MGAT4C: variants seen among roughly 807,000 people sequenced by gnomAD.
MGAT4C encodes the protein MGAT4 family member C, also known as alpha-1,3-mannosyl-glycoprotein 4-beta-N-acetylglucosaminyltransferase C.
Under a neutral mutation model 40.1 loss-of-function variants are expected in MGAT4C, and 19 were observed. The observed-to-expected ratio is 0.47, with a 90% CI of 0.33 to 0.70. The LOEUF (loss-of-function observed/expected upper bound fraction) is 0.70, where lower values mean the gene tolerates loss of function less well. Ranked by LOEUF, MGAT4C falls within the 30% of genes least tolerant of loss-of-function variation. The pLI is 0.02. For synonymous variants in MGAT4C, 181 were observed against 187.1 expected, an observed-to-expected ratio of 0.97 and a Z score of 0.27; for missense variants, 491 against 563.2, an observed-to-expected ratio of 0.87 and a Z score of 1.30.
chr12:86,378,293 T>G (rs749860308), intron 3 of MGAT4C, among the ~76,000 whole-genome samples: 3 of 152,146 alleles, frequency 2.0e-5, no homozygotes, highest in Non-Finnish European at 4.4e-5. Context: ...GGAGTATTAA[T>G]TATTACTGTT....
At chr12:86,698,628 A>C (rs2136610061) in intron 2 of MGAT4C, among the ~76,000 whole-genome samples, 1 of 152,242 alleles carries the variant, frequency 6.6e-6, no homozygotes, top group South Asian at 2.1e-4. Context: ...AAACTGTCAA[A>C]AAATTGCTGG....
At chr12:86,508,759 T>C (rs376179420) in intron 2 of MGAT4C, among the ~76,000 whole-genome samples, 13,193 of 147,834 alleles carry the variant, frequency 0.089, 767 homozygotes, top group Middle Eastern at 0.23. Flanking sequence ...TTCTAACTGG[T>C]GTGAGATGGT....
At chr12:86,642,064 A>T (rs1425486597) in intron 2 of MGAT4C, among the ~76,000 whole-genome samples, 1 of 151,848 alleles carries the variant, frequency 6.6e-6, no homozygotes, top group African/African-American at 2.4e-5. Context: ...CGAAATAGGA[A>T]TGACAAATAG....
chr12:86,491,843 A>T (rs1958143338), intron 2 of MGAT4C, among the ~76,000 whole-genome samples: 1 of 152,096 alleles, frequency 6.6e-6, no homozygotes, highest in Non-Finnish European at 1.5e-5. Flanking sequence ...TCAGGAAAAG[A>T]GGAAGTCAAA....
rs185784819 is a variant in MGAT4C, at chr12:86,024,548, C to T, written c.-7+25126G>A. Among the ~76,000 whole-genome samples, 1,178 of 151,854 alleles carry T rather than the reference C, an allele frequency of 7.8e-3. 11 individuals are homozygous for T. The highest frequency in any genetic ancestry group is 0.026 in the African/African-American group (1,097 of 41,510). On this transcript the variant is annotated intron_variant, in intron 2 of 4. Coordinates refer to ENST00000611864, the MANE Select transcript of MGAT4C (RefSeq NM_001351288.2). ...TATAATTTTCATTTATATAAAGACT[C>T]TTAAAGTTGCACTCTAACATCTGAA...
chr12:86,246,987 A>G (rs535708456), intron 1 of MGAT4C, among the ~76,000 whole-genome samples: 178 of 152,310 alleles, frequency 1.2e-3, no homozygotes, highest in Non-Finnish European at 2.1e-3. Flanking sequence ...TAGTAGCATC[A>G]GTTATACCCT....
chr12:86,030,376 A>G (rs1031592795), intron 2 of MGAT4C, among the ~76,000 whole-genome samples: 3 of 151,900 alleles, frequency 2.0e-5, no homozygotes, highest in East Asian at 3.9e-4. Context: ...TAGCCTAAAT[A>G]TGAGATGATG....
intron 2 of MGAT4C, among the ~76,000 whole-genome samples, chr12:86,464,830 A>G (rs1387126936): frequency 6.6e-6 from 1 of 151,800 alleles, no homozygotes; most frequent in African/African-American, 2.4e-5. Context: ...ATATCATTTC[A>G]CTTATTTTTG....
intron 2 of MGAT4C, among the ~76,000 whole-genome samples, chr12:86,485,556 A>T (rs1319849728): frequency 6.6e-6 from 1 of 152,234 alleles, no homozygotes; most frequent in Non-Finnish European, 1.5e-5. Flanking sequence ...TTTAATGAAC[A>T]AAATCTTCAA....
chr12:86,775,771 T>C (rs1951737721), intron 1 of MGAT4C, among the ~76,000 whole-genome samples: 1 of 151,658 alleles, frequency 6.6e-6, no homozygotes, highest in South Asian at 2.1e-4. Context: ...GACCAAATAA[T>C]TTACTATTTC....
intron 1 of MGAT4C, among the ~76,000 whole-genome samples, chr12:86,205,856 G>A (rs1022826393): frequency 5.9e-5 from 9 of 151,286 alleles, no homozygotes; most frequent in African/African-American, 1.9e-4. Context: ...TGTGAACTTC[G>A]TGTTTTTAGT....
intron 2 of MGAT4C, among the ~76,000 whole-genome samples, chr12:86,601,544 C>T (rs537315849): frequency 6.6e-6 from 1 of 152,198 alleles, no homozygotes; most frequent in South Asian, 2.1e-4. Context: ...AAGCTCTTCC[C>T]CACCTTGCTC....
intron 3 of MGAT4C, among the ~76,000 whole-genome samples, chr12:86,393,581 T>G (rs143954680): frequency 6.6e-4 from 101 of 152,312 alleles, no homozygotes; most frequent in African/African-American, 2.4e-3. Context: ...GATAACTCAA[T>G]TGTTTTTAGA....
intron 1 of MGAT4C, among the ~76,000 whole-genome samples, chr12:86,164,379 T>A (rs1021330212): frequency 6.6e-6 from 1 of 152,192 alleles, no homozygotes; most frequent in Admixed American, 6.5e-5. Context: ...GCATGTATTT[T>A]ACTATTTAAT....
At chr12:86,103,431 C>T (rs1171605341) in intron 1 of MGAT4C, among the ~76,000 whole-genome samples, 1 of 152,088 alleles carries the variant, frequency 6.6e-6, no homozygotes, top group Non-Finnish European at 1.5e-5. Context: ...AATGTGACTA[C>T]AGAGCCAGAG....
At chr12:86,336,448 T>C (rs1954795227) in intron 3 of MGAT4C, among the ~76,000 whole-genome samples, 1 of 152,200 alleles carries the variant, frequency 6.6e-6, no homozygotes, top group Admixed American at 6.6e-5. Context: ...GCAGGCACTC[T>C]GCTAATTCAG....
intron 1 of MGAT4C, among the ~76,000 whole-genome samples, chr12:86,146,419 C>G (rs1158564787): frequency 1.3e-5 from 2 of 152,110 alleles, no homozygotes; most frequent in African/African-American, 4.8e-5. Flanking sequence ...TTCTTCTTTT[C>G]TTTTTTACAT....
At chr12:86,206,973 G>A (rs1472987254) in intron 1 of MGAT4C, among the ~76,000 whole-genome samples, 2 of 152,074 alleles carry the variant, frequency 1.3e-5, no homozygotes, top group African/African-American at 4.8e-5. Flanking sequence ...TGAATGTAAA[G>A]AGAATTACAA....
chr12:86,768,523 A>G (rs1951560787), intron 1 of MGAT4C, among the ~76,000 whole-genome samples: 1 of 151,884 alleles, frequency 6.6e-6, no homozygotes, highest in African/African-American at 2.4e-5. Flanking sequence ...ACTACTTTAA[A>G]GTTCATATGG....
Sources: gnomAD v4.1 joint callset for allele counts (sites outside exome capture counted in the v4.1 genomes callset) on GRCh38, gnomAD v4.1.1 for gene constraint, MANE v1.5 for transcripts, NCBI Gene and HGNC (gene_info 2026-07-23, HGNC 2026-07-21) for gene names.